Variants in LRMDA observed in about 807,000 individuals in gnomAD.
LRMDA encodes the protein leucine-rich melanocyte differentiation-associated protein.
LRMDA carries 18 observed loss-of-function variants against 29.8 expected under a neutral mutation model. The observed-to-expected ratio is 0.60, with a 90% CI of 0.42 to 0.90. LRMDA has a LOEUF of 0.90. LRMDA is among the 40% of genes least tolerant of loss of function. The pLI is 0.00. For missense variants in LRMDA, 273 were observed against 273.9 expected, an observed-to-expected ratio of 1.00 and a Z score of 0.02; for synonymous variants, 125 against 109.4, an observed-to-expected ratio of 1.14 and a Z score of -0.89.
intron 2 of LRMDA, among the ~76,000 whole-genome samples, chr10:75,739,036 A>G (rs541866399): frequency 6.6e-6 from 1 of 152,230 alleles, no homozygotes; most frequent in Non-Finnish European, 1.5e-5. Flanking sequence ...CCGTTAAATT[A>G]CCTCCTATCA....
intron 2 of LRMDA, among the ~76,000 whole-genome samples, chr10:75,904,126 T>TA (rs1845721845): frequency 6.6e-6 from 1 of 152,324 alleles, no homozygotes; most frequent in East Asian, 1.9e-4. Flanking sequence ...GAGAATTTTC[T>TA]AAAAAACTAC....
intron 2 of LRMDA, among the ~76,000 whole-genome samples, chr10:75,559,520 G>T (rs1408197517): frequency 1.3e-5 from 2 of 151,102 alleles, no homozygotes; most frequent in Non-Finnish European, 3.0e-5. Context: ...TTGCTGTGCA[G>T]AAGCTCTTGA....
At position 75,588,922 on chromosome 10, in the gene LRMDA, CCACA is replaced by C. The variant is rs148575798; in HGVS notation, c.131+150431_131+150434del. ...TGCATAACAAAAATACCTTCCCATTCCACACATAGAGAGCTTCCTCATTAAAATT... is the reference window on the plus strand; with the variant it reads ...TGCATAACAAAAATACCTTCCCATTCCATAGAGAGCTTCCTCATTAAAATT... On this transcript the variant is annotated intron_variant, in intron 2 of 6. Coordinates refer to ENST00000611255, the MANE Select transcript of LRMDA (RefSeq NM_001305581.2). 4.2e-3 allele frequency among the ~76,000 whole-genome samples: 645 copies of C among 152,262 alleles called. 2 individuals carry two copies. The highest frequency in any genetic ancestry group is 0.015 in the African/African-American group (613 of 41,548).
chr10:76,020,851 A>G (rs867569833), intron 2 of LRMDA, among the ~76,000 whole-genome samples: 24 of 152,384 alleles, frequency 1.6e-4, no homozygotes, highest in Admixed American at 7.8e-4. Flanking sequence ...AGGAATGTCA[A>G]CCTTGTGTTT....
At chr10:75,658,258 G>A (rs1841704397) in intron 2 of LRMDA, among the ~76,000 whole-genome samples, 1 of 144,040 alleles carries the variant, frequency 6.9e-6, no homozygotes, top group Non-Finnish European at 1.5e-5. Flanking sequence ...GATCCTTGTT[G>A]GAACTCTAGA....
At chr10:75,793,921 G>A (rs77834643) in intron 2 of LRMDA, among the ~76,000 whole-genome samples, 7 of 152,304 alleles carry the variant, frequency 4.6e-5, no homozygotes, top group African/African-American at 1.7e-4. Flanking sequence ...TTTAGTTTAT[G>A]GACCATGCAG....
At chr10:75,816,969 C>A (rs1310540728) in intron 2 of LRMDA, among the ~76,000 whole-genome samples, 2 of 152,162 alleles carry the variant, frequency 1.3e-5, no homozygotes, top group African/African-American at 2.4e-5. Context: ...GTTCAAATAA[C>A]CATGAAAAAG....
At chr10:76,489,257 C>A (rs1842810513) in intron 6 of LRMDA, among the ~76,000 whole-genome samples, 1 of 151,742 alleles carries the variant, frequency 6.6e-6, no homozygotes, top group African/African-American at 2.4e-5. Flanking sequence ...TGGTATATGT[C>A]TAGAAATTTG....
intron 6 of LRMDA, among the ~76,000 whole-genome samples, chr10:76,527,489 A>G (rs1843190082): frequency 6.6e-6 from 1 of 152,132 alleles, no homozygotes; most frequent in Non-Finnish European, 1.5e-5. Flanking sequence ...TAAAACACTG[A>G]CAAGATTCTA....
At chr10:75,660,983 C>T (rs1030815404) in intron 2 of LRMDA, among the ~76,000 whole-genome samples, 4 of 152,154 alleles carry the variant, frequency 2.6e-5, no homozygotes, top group African/African-American at 9.7e-5. Context: ...AATCATTAAT[C>T]ATACACAATC....
chr10:75,969,573 A>T (rs1462265151), intron 2 of LRMDA, among the ~76,000 whole-genome samples: 2 of 152,228 alleles, frequency 1.3e-5, no homozygotes, highest in Non-Finnish European at 2.9e-5. Context: ...TCACAAGCTC[A>T]CGCTTATTAT....
chr10:75,514,146 G>A (rs1845259544), intron 2 of LRMDA, among the ~76,000 whole-genome samples: 1 of 148,718 alleles, frequency 6.7e-6, no homozygotes, highest in Non-Finnish European at 1.5e-5. Flanking sequence ...CAGATTCAAA[G>A]GCAGTCCTCC....
At chr10:76,201,916 G>C (rs986600019) in intron 5 of LRMDA, among the ~76,000 whole-genome samples, 3 of 152,144 alleles carry the variant, frequency 2.0e-5, no homozygotes, top group Non-Finnish European at 4.4e-5. Flanking sequence ...AATCAGAGCG[G>C]TCCTGGCTCT....
At chr10:75,853,088 A>T (rs1844760043) in intron 2 of LRMDA, among the ~76,000 whole-genome samples, 1 of 152,148 alleles carries the variant, frequency 6.6e-6, no homozygotes, top group Non-Finnish European at 1.5e-5. Flanking sequence ...AACTGCCCTC[A>T]TGATTCGATT....
chr10:75,905,398 G>T (rs1015158980), intron 2 of LRMDA, among the ~76,000 whole-genome samples: 1 of 151,902 alleles, frequency 6.6e-6, no homozygotes, highest in African/African-American at 2.4e-5. Flanking sequence ...GTAATCTATT[G>T]TATGTTTTGA....
intron 2 of LRMDA, among the ~76,000 whole-genome samples, chr10:75,644,071 G>A (rs1841484819): frequency 6.6e-6 from 1 of 152,212 alleles, no homozygotes; most frequent in Non-Finnish European, 1.5e-5. Flanking sequence ...TAGAATGTAA[G>A]CTGGAGATCT....
At chr10:75,537,158 T>C (rs1446610458) in intron 2 of LRMDA, among the ~76,000 whole-genome samples, 1 of 152,170 alleles carries the variant, frequency 6.6e-6, no homozygotes, top group Admixed American at 6.5e-5. Flanking sequence ...CTTTTTACTT[T>C]GTGTTCATTA....
chr10:75,919,664 G>A (rs1050130007), intron 2 of LRMDA, among the ~76,000 whole-genome samples: 17 of 152,124 alleles, frequency 1.1e-4, no homozygotes, highest in Admixed American at 9.8e-4. Flanking sequence ...CTTACCCCCC[G>A]AAAAAGGCTT....
intron 5 of LRMDA, among the ~76,000 whole-genome samples, chr10:76,201,105 A>G (rs113521800): frequency 0.039 from 2,850 of 73,970 alleles, 49 homozygotes; most frequent in Middle Eastern, 0.1. Context: ...TTATTTATTT[A>G]TTTATATTTA....
Sources: gnomAD v4.1 joint callset for allele counts (sites outside exome capture counted in the v4.1 genomes callset) on GRCh38, gnomAD v4.1.1 for gene constraint, MANE v1.5 for transcripts, NCBI Gene and HGNC (gene_info 2026-07-23, HGNC 2026-07-21) for gene names.